The following EYA3 variants were observed in gnomAD, a reference collection of about 807,000 sequenced individuals.
EYA3 encodes the protein EYA transcriptional coactivator and phosphatase 3.
A neutral mutation model predicts 80.0 loss-of-function variants in EYA3; 39 were observed. The ratio of observed to expected loss-of-function variants is 0.49; its 90% CI spans 0.38 to 0.64. EYA3 has a LOEUF of 0.64. EYA3 is among the 30% of genes least tolerant of loss of function. The probability of loss-of-function intolerance (pLI) is 0.00; values close to 1 mark genes in which losing one functional copy is unlikely to be tolerated. For missense variants in EYA3, 523 were observed against 676.1 expected (o/e 0.77, Z 2.51); for synonymous variants, 206 against 232.8 (o/e 0.88, Z 1.05).
At chr1:28,025,405 C>G (rs1571834805) in intron 7 of EYA3, among the ~76,000 whole-genome samples, 1 of 152,268 alleles carries the variant, frequency 6.6e-6, no homozygotes, top group East Asian at 1.9e-4. Context: ...TACTGAAAAG[C>G]ATAAATATTG....
At chr1:28,010,787 A>C (rs1641637691) in intron 10 of EYA3, 160 bp downstream of exon 10, 1 of 723,160 alleles carries the variant, frequency 1.4e-6, no homozygotes, top group Non-Finnish European at 2.2e-6. Flanking sequence ...TGTTCTTTTT[A>C]CATTTTTCTT....
At chr1:28,072,506 C>T (rs1645052125) in intron 1 of EYA3, among the ~76,000 whole-genome samples, 1 of 151,868 alleles carries the variant, frequency 6.6e-6, no homozygotes, top group Admixed American at 6.6e-5. Flanking sequence ...CCAGCACACA[C>T]TTACTAGAAT....
At chr1:28,018,868 A>G (rs1470807484) in intron 7 of EYA3, among the ~76,000 whole-genome samples, 1 of 152,156 alleles carries the variant, frequency 6.6e-6, no homozygotes, top group African/African-American at 2.4e-5. Context: ...CTAGGGTTCA[A>G]ATTCCCTAAC....
At position 27,973,058 on chromosome 1, in the gene EYA3, C is replaced by G. The variant is rs930778690; in HGVS notation, c.*1408G>C. ...CCTGTCTGTTTCTCCCTTCCCCCCACAATCAGCAAAGTCTTTCTGGTTTCC... is the reference window on the plus strand; with the variant it reads ...CCTGTCTGTTTCTCCCTTCCCCCCAGAATCAGCAAAGTCTTTCTGGTTTCC... On this transcript the variant is annotated 3_prime_UTR_variant, in exon 18 of 18. Transcript: ENST00000373871. 1 of 152,214 alleles carries G rather than the reference C, an allele frequency of 6.6e-6. No individual in the cohort carries two copies. Among genetic ancestry groups the G allele is most frequent in the South Asian group, 2.1e-4 (1 of 4,830 alleles). The allele number at this position is 152,214 out of a possible 1,614,324, so 9.4% of individuals were successfully genotyped here.
intron 6 of EYA3, among the ~76,000 whole-genome samples, chr1:28,034,849 T>C (rs1367942259): frequency 6.6e-6 from 1 of 152,172 alleles, no homozygotes; most frequent in Non-Finnish European, 1.5e-5. Context: ...TTTAATTTTC[T>C]GGCACCCATT....
chr1:27,977,605 C>G (rs1321208840), intron 17 of EYA3, among the ~76,000 whole-genome samples: 1 of 151,446 alleles, frequency 6.6e-6, no homozygotes, highest in Non-Finnish European at 1.5e-5. Flanking sequence ...AATCCCAGCA[C>G]TTTGGGAGGC....
rs751767860 is a variant in EYA3 at position 28,057,985 on chromosome 1, A to C, written c.33+9T>G. The C allele has an allele frequency of 3.2e-6, 5 of 1,564,070 alleles. No individual in the cohort carries two copies. The highest frequency in any genetic ancestry group is 4.4e-6 in the Non-Finnish European group (5 of 1,145,470). ...CAATCAACTTTAAACTGTTAAAGGA[A>C]ATACTTACTGGTTGCTCTGGTAAAT... On this transcript the variant is annotated intron_variant, in intron 2 of 17. Coordinates refer to ENST00000373871, the MANE Select transcript of EYA3 (RefSeq NM_001990.4).
intron 9 of EYA3, 66 bp from the exon 10 acceptor site, chr1:28,011,152 G>C: frequency 6.5e-7 from 1 of 1,536,508 alleles, no homozygotes; most frequent in South Asian, 1.2e-5. Flanking sequence ...GGCAGGAAGA[G>C]GGTTAGTGGA....
At chr1:28,036,492 C>T (rs992587828) in intron 5 of EYA3, among the ~76,000 whole-genome samples, 4 of 152,112 alleles carry the variant, frequency 2.6e-5, no homozygotes, top group African/African-American at 9.7e-5. Flanking sequence ...CATCAAAAAA[C>T]GGAAGTAGAG....
chr1:28,034,002 T>C (rs541190041), intron 6 of EYA3, among the ~76,000 whole-genome samples: 6 of 151,352 alleles, frequency 4.0e-5, no homozygotes, highest in African/African-American at 1.2e-4. Flanking sequence ...TGAGACCAGC[T>C]GGCCAAAATG....
chr1:28,048,408 G>C lies in EYA3; in HGVS notation c.52C>G (p.Gln18Glu). The change falls in exon 3 of 18, where the codon CAG becomes GAG. Residue 18 changes from glutamine to glutamate, a missense_variant. Coordinates refer to ENST00000373871, the MANE Select transcript of EYA3 (RefSeq NM_001990.4). ...CTTATAGTTTGCTCTCCTGATTCCT[G>C]CATCTTGGCTTTTTTCACCTGCAAA... Reference protein sequence around the residue: ...PEQPVKKAKMQESGEQTISQV... With the variant: ...PEQPVKKAKMEESGEQTISQV... 16 of 1,611,214 alleles carry C rather than the reference G, an allele frequency of 9.9e-6. No homozygotes were observed. Among genetic ancestry groups the C allele is most frequent in the South Asian group, 1.1e-5 (1 of 90,740 alleles).
In EYA3 at chr1:28,006,913, T is replaced by TTTAG. The variant is rs572553637; in HGVS notation, c.910-2495_910-2494insCTAA. ...ATTTGGAAAGGAAGAAGCAAAATTATCTGTTTGCAGATGACATAATCTTTT... is the reference window on the plus strand; with the variant it reads ...ATTTGGAAAGGAAGAAGCAAAATTATTTAGCTGTTTGCAGATGACATAATCTTTT... On this transcript the variant is annotated intron_variant, in intron 10 of 17. Coordinates refer to ENST00000373871, the MANE Select transcript of EYA3 (RefSeq NM_001990.4). 8.7e-3 allele frequency among the ~76,000 whole-genome samples: 1,302 copies of TTTAG among 150,048 alleles called. 10 individuals are homozygous for TTTAG. The highest frequency in any genetic ancestry group is 0.015 in the African/African-American group (627 of 40,868).
chr1:28,071,949 T>C (rs1336453960), intron 1 of EYA3, among the ~76,000 whole-genome samples: 1 of 152,300 alleles, frequency 6.6e-6, no homozygotes, highest in African/African-American at 2.4e-5. Flanking sequence ...CATTTCTTGA[T>C]AAAGACTCTT....
At chr1:28,081,985 C>A (rs959066775) in intron 1 of EYA3, among the ~76,000 whole-genome samples, 9 of 151,952 alleles carry the variant, frequency 5.9e-5, no homozygotes, top group Admixed American at 2.0e-4. Flanking sequence ...TGCTTTGAAT[C>A]AAAAATTAAA....
Position 28,020,667 on chromosome 1 carries a change from CGTGTGTGTGTGTGTGTGTGTGTGTGTGT to C in EYA3, c.500-3456_500-3429del, listed in dbSNP as rs56017264. On this transcript the variant is annotated intron_variant, in intron 7 of 17. Coordinates refer to ENST00000373871, the MANE Select transcript of EYA3 (RefSeq NM_001990.4). The stretch of plus-strand genomic sequence containing the variant: ...GCACTTTTAAAAAAATACAGATCAT[CGTGTGTGTGTGTGTGTGTGTGTGTGTGT>C]GTGTGTGTGTGTGTGTGTGTGAATA... 2.8e-4 allele frequency among the ~76,000 whole-genome samples: 38 copies of C among 134,544 alleles called. 4 individuals carry two copies. The South Asian group carries it at 7.4e-3, about 26-fold the overall frequency. 88.3% of individuals were successfully genotyped at this position (134,544 alleles called of 152,430 possible).
intron 6 of EYA3, among the ~76,000 whole-genome samples, chr1:28,031,075 C>T (rs1215193771): frequency 2.6e-5 from 4 of 151,936 alleles, no homozygotes. Context: ...TGATAGTCTC[C>T]CTCTTATAAG....
intron 1 of EYA3, among the ~76,000 whole-genome samples, chr1:28,062,886 C>A (rs1644685262): frequency 6.6e-6 from 1 of 151,826 alleles, no homozygotes; most frequent in South Asian, 2.1e-4. Context: ...CCTGTAATTC[C>A]TGCTACTCAG....
At chr1:28,068,564 T>C (rs79778492) in intron 1 of EYA3, among the ~76,000 whole-genome samples, 2 of 151,914 alleles carry the variant, frequency 1.3e-5, no homozygotes, top group African/African-American at 2.4e-5. Flanking sequence ...TTTTTTTTTT[T>C]CTTTAGAGGA....
intron 3 of EYA3, among the ~76,000 whole-genome samples, chr1:28,044,380 TG>T (rs1448075679): frequency 6.6e-6 from 1 of 152,226 alleles, no homozygotes; most frequent in African/African-American, 2.4e-5. Flanking sequence ...CTCATAGGGC[TG>T]TCAGGAGGAC....
Sources: allele counts gnomAD v4.1 joint callset (sites outside exome capture counted in the v4.1 genomes callset), GRCh38; gene constraint gnomAD v4.1.1; transcripts MANE v1.5; gene names NCBI Gene and HGNC (gene_info 2026-07-23, HGNC 2026-07-21).